Variants in OSBPL6 observed in about 807,000 individuals in gnomAD.
OSBPL6 encodes the protein oxysterol binding protein like 6, also known as oxysterol-binding protein-related protein 6.
Under a neutral mutation model 125.8 loss-of-function variants are expected in OSBPL6, and 49 were observed. That is an observed-to-expected ratio of 0.39 (90% CI 0.31 to 0.49). The LOEUF is 0.49. OSBPL6 is among the 20% of genes least tolerant of loss of function. The probability of loss-of-function intolerance (pLI) is 0.88; values close to 1 mark genes in which losing one functional copy is unlikely to be tolerated. For missense variants in OSBPL6, 986 were observed against 1,135.4 expected (o/e 0.87, Z 1.89); for synonymous variants, 394 against 391.8 (o/e 1.01, Z -0.07).
chr2:178,361,627 G>A, intron 12 of OSBPL6, 55 bp from the exon 13 acceptor site: 1 of 1,591,660 alleles, frequency 6.3e-7, no homozygotes, highest in Non-Finnish European at 8.6e-7. Context: ...TTATAATGTT[G>A]TGTATTCTTT....
rs200855867 is a variant in OSBPL6 at position 178,395,743 on chromosome 2, C to A, written c.*184C>A. ...ACAAGGCCCCTAACCACTTTGGGATCCTTTCTGTTTTGCTGCAACCATATT... is the reference window on the plus strand; with the variant it reads ...ACAAGGCCCCTAACCACTTTGGGATACTTTCTGTTTTGCTGCAACCATATT... On this transcript the variant is annotated 3_prime_UTR_variant, in exon 25 of 25. Transcript: ENST00000190611. 121 of 466,074 alleles carry A rather than the reference C, an allele frequency of 2.6e-4. No homozygotes were observed. Among genetic ancestry groups the A allele is most frequent in the Admixed American group, 4.7e-4 (15 of 31,706 alleles). 28.9% of individuals were successfully genotyped at this position (466,074 alleles called of 1,614,324 possible).
chr2:178,390,496 A>G (rs1358942420), intron 21 of OSBPL6, among the ~76,000 whole-genome samples: 3 of 152,210 alleles, frequency 2.0e-5, no homozygotes, highest in Non-Finnish European at 4.4e-5. Context: ...GAATCCAAGG[A>G]AAAGGGCCTT....
intron 15 of OSBPL6, among the ~76,000 whole-genome samples, chr2:178,374,555 T>C (rs1693695003): frequency 6.6e-6 from 1 of 152,212 alleles, no homozygotes; most frequent in African/African-American, 2.4e-5. Context: ...TCTTCATGCT[T>C]ATGATTCTTG....
intron 13 of OSBPL6, among the ~76,000 whole-genome samples, chr2:178,370,231 C>T (rs1255034531): frequency 6.6e-6 from 1 of 152,178 alleles, no homozygotes; most frequent in East Asian, 1.9e-4. Context: ...CACCACTGCA[C>T]TCCAGCCTGG....
intron 2 of OSBPL6, among the ~76,000 whole-genome samples, chr2:178,291,258 G>C (rs1685232085): frequency 6.6e-6 from 1 of 152,038 alleles, no homozygotes. Context: ...TAAATCTTTA[G>C]TTCACCAGAT....
At chr2:178,323,194 C>A (rs1447383477) in intron 3 of OSBPL6, among the ~76,000 whole-genome samples, 3 of 152,166 alleles carry the variant, frequency 2.0e-5, no homozygotes, top group African/African-American at 7.2e-5. Context: ...TCCAACCCCA[C>A]TTCATTCTTG....
At chr2:178,370,249 A>C (rs992318382) in intron 13 of OSBPL6, among the ~76,000 whole-genome samples, 31 of 152,278 alleles carry the variant, frequency 2.0e-4, no homozygotes, top group African/African-American at 7.5e-4. Flanking sequence ...TGGGTGACAG[A>C]GCAAGAGTCT....
chr2:178,246,269 T>C (rs952474779), intron 1 of OSBPL6, among the ~76,000 whole-genome samples: 9 of 152,224 alleles, frequency 5.9e-5, no homozygotes, highest in African/African-American at 1.4e-4. Context: ...CAGGGCTATC[T>C]GAGTTCCCGT....
intron 1 of OSBPL6, among the ~76,000 whole-genome samples, chr2:178,253,547 C>A (rs908787209): frequency 2.6e-5 from 4 of 152,112 alleles, no homozygotes; most frequent in Admixed American, 6.6e-5. Context: ...CCAACTGGTT[C>A]CATTTGACAG....
In OSBPL6 at chr2:178,373,964, G is replaced by A; in HGVS notation, c.1470G>A (p.Glu490=). ...ATGAGAGCCGCCTCTCCATGTCAGA[G>A]TCTGTTTCTGAGTTCTTTGATGCCC... ...VANESRLSMS[E]SVSEFFDAQE... Residue 490 remains glutamate (E), a synonymous_variant, in exon 15 of 25, where the codon GAG becomes GAA. Coordinates refer to ENST00000190611, the MANE Select transcript of OSBPL6 (RefSeq NM_032523.4). 1 of 1,614,140 alleles carries A rather than the reference G, an allele frequency of 6.2e-7. No homozygotes were observed. The highest frequency in any genetic ancestry group is 1.3e-5 in the African/African-American group (1 of 75,054).
At chr2:178,336,218 T>C (rs983108640) in intron 8 of OSBPL6, 83 bp from the exon 9 acceptor site, 1 of 1,482,326 alleles carries the variant, frequency 6.7e-7, no homozygotes, top group Non-Finnish European at 9.1e-7. Context: ...TCTTTGTTAA[T>C]ACGGTTTTGA....
At chr2:178,254,788 CTGT>C (rs1238736397) in intron 1 of OSBPL6, among the ~76,000 whole-genome samples, 1 of 152,166 alleles carries the variant, frequency 6.6e-6, no homozygotes, top group Non-Finnish European at 1.5e-5. Context: ...GTTCTGGGGC[CTGT>C]TGTTTTATAC....
intron 1 of OSBPL6, among the ~76,000 whole-genome samples, chr2:178,248,894 T>C (rs2091586867): frequency 6.6e-6 from 1 of 152,206 alleles, no homozygotes; most frequent in Non-Finnish European, 1.5e-5. Context: ...TTATTTCTCC[T>C]GTTCATGTTT....
At chr2:178,371,456 G>A (rs1693375127) in intron 13 of OSBPL6, among the ~76,000 whole-genome samples, 2 of 152,224 alleles carry the variant, frequency 1.3e-5, no homozygotes, top group South Asian at 4.1e-4. Flanking sequence ...TGGAGGTAGT[G>A]TTATGAGGAG....
chr2:178,352,755 C>T (rs1836203), intron 12 of OSBPL6, among the ~76,000 whole-genome samples: 44,625 of 152,092 alleles, frequency 0.29, 7,185 homozygotes, highest in African/African-American at 0.4. Context: ...AGCATGGCAT[C>T]TGAGCTTTGA....
chr2:178,349,206 T>G lies in OSBPL6; in HGVS notation c.988-18T>G, dbSNP rs1351152234. 1 of 1,612,796 alleles carries G rather than the reference T, an allele frequency of 6.2e-7. No individual in the cohort carries two copies. Among genetic ancestry groups the G allele is most frequent in the Admixed American group, 1.7e-5 (1 of 60,022 alleles). On this transcript the variant is annotated intron_variant, in intron 11 of 24. Transcript: ENST00000190611. Reference sequence around the variant, plus strand: ...AATGCACTGTTGCTGTTTAATAATTTGTATCTTCCCCTTTCAGGTTCCTTT... The same window carrying G: ...AATGCACTGTTGCTGTTTAATAATTGGTATCTTCCCCTTTCAGGTTCCTTT...
chr2:178,327,724 G>C (rs1287447465), intron 4 of OSBPL6, among the ~76,000 whole-genome samples: 2 of 152,088 alleles, frequency 1.3e-5, no homozygotes, highest in Non-Finnish European at 2.9e-5. Context: ...TTGGTGAGCA[G>C]GTGTCTTATG....
chr2:178,220,026 A>G (rs1258818529), intron 1 of OSBPL6, among the ~76,000 whole-genome samples: 1 of 152,206 alleles, frequency 6.6e-6, no homozygotes, highest in Non-Finnish European at 1.5e-5. Context: ...GGCTGGAGAT[A>G]TCGACAGAGG....
chr2:178,317,437 CATATATATATATATAT>C (rs6147046), intron 3 of OSBPL6, among the ~76,000 whole-genome samples: 33,187 of 106,996 alleles, frequency 0.31, 4,906 homozygotes, highest in Middle Eastern at 0.36. Context: ...ACTTAGACAC[CATATATATATATATAT>C]ATATATATAT....
Sources: allele counts gnomAD v4.1 joint callset (sites outside exome capture counted in the v4.1 genomes callset), GRCh38; gene constraint gnomAD v4.1.1; transcripts MANE v1.5; gene names NCBI Gene and HGNC (gene_info 2026-07-23, HGNC 2026-07-21).